The following DGKH variants were observed in gnomAD, a reference collection of about 807,000 sequenced individuals.
The protein encoded by DGKH is DAG kinase eta.
In DGKH, 90 loss-of-function variants were observed where a neutral mutation model predicts 159.3. The ratio of observed to expected loss-of-function variants is 0.57; its 90% CI spans 0.48 to 0.67. The LOEUF (loss-of-function observed/expected upper bound fraction) is 0.67, where lower values mean the gene tolerates loss of function less well. Ranked by LOEUF, DGKH falls within the 30% of genes least tolerant of loss-of-function variation. The probability of loss-of-function intolerance (pLI) is 0.00; values close to 1 mark genes in which losing one functional copy is unlikely to be tolerated. For synonymous variants in DGKH, 536 were observed against 553.8 expected, an observed-to-expected ratio of 0.97 and a Z score of 0.45; for missense variants, 1,181 against 1,506.1, an observed-to-expected ratio of 0.78 and a Z score of 3.57.
Position 42,239,592 on chromosome 13 carries a change from C to T in DGKH, c.*10404C>T, listed in dbSNP as rs1958480016. On this transcript the variant is annotated 3_prime_UTR_variant, in exon 30 of 30. Transcript: ENST00000337343. ...GTTGATTTCATTGCTGCCTTTCAGGCCTTCATCATACAAACCCTCACCATT... is the reference window on the plus strand; with the variant it reads ...GTTGATTTCATTGCTGCCTTTCAGGTCTTCATCATACAAACCCTCACCATT... 6.6e-6 allele frequency: 1 copy of T among 152,456 alleles called. No individual in the cohort carries two copies. 9.4% of individuals were successfully genotyped at this position (152,456 alleles called of 1,614,324 possible). A position where few individuals can be genotyped will look rare whatever the true frequency, so the allele number is the denominator to read the frequency against.
In DGKH at chr13:42,239,947, T is replaced by A. The variant is rs1366395783; in HGVS notation, c.*10759T>A. ...TGCCATAGATGAACATGTTCAAGAC[T>A]CAGTTCAAATTTAACTTTCTGTGAA... On this transcript the variant is annotated 3_prime_UTR_variant, in exon 30 of 30. Coordinates refer to ENST00000337343, the MANE Select transcript of DGKH (RefSeq NM_178009.5). 1 of 152,212 alleles carries A rather than the reference T, an allele frequency of 6.6e-6. No homozygotes were observed. The highest frequency in any genetic ancestry group is 1.5e-5 in the Non-Finnish European group (1 of 68,028). 9.4% of individuals were successfully genotyped at this position (152,212 alleles called of 1,614,324 possible). A position where few individuals can be genotyped will look rare whatever the true frequency, so the allele number is the denominator to read the frequency against.
chr13:42,179,472 C>A (rs1258229771), intron 13 of DGKH, among the ~76,000 whole-genome samples: 5 of 152,022 alleles, frequency 3.3e-5, no homozygotes, highest in African/African-American at 1.2e-4. Flanking sequence ...TATTGGAATT[C>A]TGTGTAAGAT....
At chr13:42,147,798 CA>C (rs1168204938) in intron 3 of DGKH, among the ~76,000 whole-genome samples, 2 of 152,014 alleles carry the variant, frequency 1.3e-5, no homozygotes, top group South Asian at 2.1e-4. Flanking sequence ...GTAATAGTTC[CA>C]AAACAATGCC....
intron 1 of DGKH, among the ~76,000 whole-genome samples, chr13:42,075,305 G>C (rs1954074194): frequency 6.6e-6 from 1 of 152,044 alleles, no homozygotes; most frequent in Non-Finnish European, 1.5e-5. Context: ...GAAGATTGGT[G>C]GTGACCATGC....
At chr13:42,112,901 A>G (rs755144685) in intron 1 of DGKH, among the ~76,000 whole-genome samples, 4 of 152,226 alleles carry the variant, frequency 2.6e-5, no homozygotes, top group Non-Finnish European at 5.9e-5. Context: ...GCCCGTGTCC[A>G]GAAATTTCCC....
rs1958322701 is a variant in DGKH at position 42,232,485 on chromosome 13, G to C, written c.*3297G>C. 1 of 152,042 alleles carries C rather than the reference G, an allele frequency of 6.6e-6. No homozygotes were observed. The highest frequency in any genetic ancestry group is 2.4e-5 in the African/African-American group (1 of 41,368). The allele number at this position is 152,042 out of a possible 1,614,324, so 9.4% of individuals were successfully genotyped here. On this transcript the variant is annotated 3_prime_UTR_variant, in exon 30 of 30. Transcript: ENST00000337343. ...TTTCTGAGTTTCTTTCCTACATCCT[G>C]GCTCTTCATTTTCCCAATGCCCAAT...
At chr13:42,075,977 T>C (rs1485836886) in intron 1 of DGKH, among the ~76,000 whole-genome samples, 1 of 152,228 alleles carries the variant, frequency 6.6e-6, no homozygotes, top group Non-Finnish European at 1.5e-5. Context: ...AATAATAGCC[T>C]TTTCCTTTTT....
chr13:42,255,776 A>C (rs1958652577), intron 30 of DGKH: 2 of 480,038 alleles, frequency 4.2e-6, no homozygotes, highest in East Asian at 6.5e-5. Flanking sequence ...AGAAAATATA[A>C]GGGAATATTT....
At chr13:42,212,686 T>C (rs942380413) in intron 24 of DGKH, among the ~76,000 whole-genome samples, 8 of 152,238 alleles carry the variant, frequency 5.3e-5, no homozygotes, top group Non-Finnish European at 7.3e-5. Flanking sequence ...TCATTGACTA[T>C]GCAAACATAT....
chr13:42,142,762 G>C (rs1467316241), intron 3 of DGKH, among the ~76,000 whole-genome samples: 1 of 152,200 alleles, frequency 6.6e-6, no homozygotes. Context: ...CTGAGACTTT[G>C]CTGAAGTTGC....
In DGKH at chr13:42,050,921, C is replaced by G. The variant is rs181998519; in HGVS notation, c.192+1956C>G. Among the ~76,000 whole-genome samples the G allele has an allele frequency of 1.7e-3, 264 of 152,296 alleles. 1 individual carries two copies. Among genetic ancestry groups the G allele is most frequent in the Non-Finnish European group, 3.2e-3 (221 of 68,032 alleles). On this transcript the variant is annotated intron_variant, in intron 1 of 29. Coordinates refer to ENST00000337343, the MANE Select transcript of DGKH (RefSeq NM_178009.5). ...ATATTTATATGAAATGGTCAAAATT[C>G]CATGCATACTTATATCAGGATTAAC...
chr13:42,062,814 T>C (rs980035194), intron 1 of DGKH, among the ~76,000 whole-genome samples: 7 of 152,254 alleles, frequency 4.6e-5, no homozygotes, highest in Admixed American at 1.3e-4. Flanking sequence ...AAATGGCATG[T>C]ACTTGAAACA....
chr13:42,137,094 T>C (rs1161929255), intron 3 of DGKH, among the ~76,000 whole-genome samples: 1 of 152,168 alleles, frequency 6.6e-6, no homozygotes, highest in Non-Finnish European at 1.5e-5. Context: ...TTCCCTTAGC[T>C]TCCTCTCAGT....
chr13:42,066,409 C>T (rs1431987757), intron 1 of DGKH: 2 of 152,150 alleles, frequency 1.3e-5, no homozygotes, highest in African/African-American at 4.8e-5. Flanking sequence ...TTTCAGGTGT[C>T]AGGGAATCTT....
intron 1 of DGKH, among the ~76,000 whole-genome samples, chr13:42,052,864 G>C (rs767370403): frequency 6.6e-6 from 1 of 152,134 alleles, no homozygotes; most frequent in Non-Finnish European, 1.5e-5. Context: ...GGGTCATCTC[G>C]GCTAAGGTTG....
rs373902457 is a variant in DGKH, at chr13:42,178,115, T to C, written c.1453-20T>C. The C allele has an allele frequency of 3.1e-6, 5 of 1,594,138 alleles. No homozygotes were observed. Among genetic ancestry groups the C allele is most frequent in the Middle Eastern group, 3.3e-4 (2 of 5,996 alleles). On this transcript the variant is annotated intron_variant, in intron 12 of 29. Transcript: ENST00000337343. ...AAATGCCAGCAACAATAATACAGTG[T>C]AGAGTTTTCTTTTCTTCAGATGACG...
chr13:42,104,995 T>G (rs891598765), intron 1 of DGKH, among the ~76,000 whole-genome samples: 2 of 145,592 alleles, frequency 1.4e-5, no homozygotes, highest in Non-Finnish European at 3.0e-5. Context: ...CTTGTATAGT[T>G]GTATCATGTG....
intron 1 of DGKH, among the ~76,000 whole-genome samples, chr13:42,089,843 G>T (rs1409334144): frequency 1.3e-5 from 2 of 152,036 alleles, no homozygotes; most frequent in Non-Finnish European, 2.9e-5. Context: ...TTAGGACATG[G>T]TCTCTTTGTG....
intron 1 of DGKH, among the ~76,000 whole-genome samples, chr13:42,068,455 C>T (rs932628510): frequency 3.9e-5 from 6 of 152,136 alleles, no homozygotes; most frequent in Non-Finnish European, 7.3e-5. Context: ...AGGTAGATAA[C>T]ACACATATAC....
Sources: gnomAD v4.1 joint callset for allele counts (sites outside exome capture counted in the v4.1 genomes callset) on GRCh38, gnomAD v4.1.1 for gene constraint, MANE v1.5 for transcripts, NCBI Gene and HGNC (gene_info 2026-07-23, HGNC 2026-07-21) for gene names.